Variants in DPYD observed in about 807,000 individuals in gnomAD.
The protein encoded by DPYD is dihydropyrimidine dehydrogenase, also known as dihydropyrimidine dehydrogenase [NADP(+)].
In DPYD, 109 loss-of-function variants were observed where a neutral mutation model predicts 116.2. That is an observed-to-expected ratio of 0.94 (90% CI 0.80 to 1.10). The LOEUF (loss-of-function observed/expected upper bound fraction) is 1.10. Among genes scored for constraint, DPYD ranks in the 50% least tolerant of loss-of-function variants. The pLI is 0.00. For missense variants in DPYD, 1,302 were observed against 1,254.5 expected (o/e 1.04, Z -0.57); for synonymous variants, 440 against 432.0 (o/e 1.02, Z -0.23).
At chr1:97,589,614 T>C (rs1202984834) in intron 10 of DPYD, among the ~76,000 whole-genome samples, 1 of 152,202 alleles carries the variant, frequency 6.6e-6, no homozygotes, top group Non-Finnish European at 1.5e-5. Flanking sequence ...AATGGACTAA[T>C]AAACCATGTT....
intron 2 of DPYD, among the ~76,000 whole-genome samples, chr1:97,867,984 C>T (rs1671471348): frequency 6.6e-6 from 1 of 151,442 alleles, no homozygotes; most frequent in South Asian, 2.1e-4. Context: ...AAAGCCAACA[C>T]CAAAAATAGT....
intron 20 of DPYD, among the ~76,000 whole-genome samples, chr1:97,118,229 A>G (rs1243091084): frequency 6.6e-6 from 1 of 152,046 alleles, no homozygotes. Flanking sequence ...AGGCCAGCAC[A>G]TCGTCTCCCA....
intron 2 of DPYD, among the ~76,000 whole-genome samples, chr1:97,854,347 T>C (rs900997981): frequency 1.3e-5 from 2 of 152,196 alleles, no homozygotes; most frequent in African/African-American, 4.8e-5. Flanking sequence ...CAAAAGTTTA[T>C]TTAGCTTACT....
chr1:97,354,270 A>G (rs1670302748), intron 16 of DPYD, among the ~76,000 whole-genome samples: 1 of 152,166 alleles, frequency 6.6e-6, no homozygotes, highest in African/African-American at 2.4e-5. Flanking sequence ...ACCAGGCTAG[A>G]CAGTGCACTT....
intron 11 of DPYD, among the ~76,000 whole-genome samples, chr1:97,557,357 G>C (rs557771103): frequency 1.4e-5 from 2 of 140,488 alleles, no homozygotes; most frequent in East Asian, 4.1e-4. Context: ...GCCCAGTCTG[G>C]AGTGCAGTGG....
chr1:97,649,703 T>TA (rs1459860257), intron 8 of DPYD, among the ~76,000 whole-genome samples: 1 of 152,138 alleles, frequency 6.6e-6, no homozygotes. Context: ...AAATGATAAT[T>TA]AAGACTCGCA....
intron 13 of DPYD, among the ~76,000 whole-genome samples, chr1:97,502,149 T>C (rs533391984): frequency 6.6e-6 from 1 of 152,176 alleles, no homozygotes; most frequent in South Asian, 2.1e-4. Flanking sequence ...AGATCTTCTG[T>C]TAACCAAAAA....
intron 16 of DPYD, among the ~76,000 whole-genome samples, chr1:97,361,383 G>T (rs1208559098): frequency 6.6e-6 from 1 of 152,192 alleles, no homozygotes; most frequent in African/African-American, 2.4e-5. Flanking sequence ...GTACAAAGAG[G>T]AGTTGATACC....
At chr1:97,728,652 T>TA (rs746339165) in intron 4 of DPYD, among the ~76,000 whole-genome samples, 31 of 152,100 alleles carry the variant, frequency 2.0e-4, no homozygotes, top group Non-Finnish European at 4.1e-4. Context: ...CTGCTGCATT[T>TA]AAAAAAACAC....
At chr1:97,158,838 G>A (rs1655679782) in intron 20 of DPYD, among the ~76,000 whole-genome samples, 2 of 152,124 alleles carry the variant, frequency 1.3e-5, no homozygotes, top group African/African-American at 4.8e-5. Context: ...CTTGGCAGAT[G>A]CCAAGCAGCA....
chr1:97,919,083 C>T (rs1571585384), intron 1 of DPYD, among the ~76,000 whole-genome samples: 1 of 152,282 alleles, frequency 6.6e-6, no homozygotes, highest in East Asian at 1.9e-4. Flanking sequence ...TTTTTCCTCA[C>T]TGCATTATAT....
intron 10 of DPYD, among the ~76,000 whole-genome samples, chr1:97,577,003 T>A (rs1653306820): frequency 6.6e-6 from 1 of 152,212 alleles, no homozygotes; most frequent in Admixed American, 6.5e-5. Flanking sequence ...CATATATATA[T>A]TTGTTTGGAA....
chr1:97,367,891 G>A lies in DPYD; in HGVS notation c.2058+5670C>T, dbSNP rs1003421319. 3.3e-5 allele frequency among the ~76,000 whole-genome samples: 5 copies of A among 152,022 alleles called. No individual in the cohort carries two copies. The East Asian group carries it at 9.7e-4, about 29-fold the overall frequency. ...TCTTTGACAGTGATTCAAGCTCTAGGTCACTACAGATTCAAATGTGAGTAT... is the reference window on the plus strand; with the variant it reads ...TCTTTGACAGTGATTCAAGCTCTAGATCACTACAGATTCAAATGTGAGTAT... On this transcript the variant is annotated intron_variant, in intron 16 of 22. Coordinates refer to ENST00000370192, the MANE Select transcript of DPYD (RefSeq NM_000110.4).
intron 3 of DPYD, among the ~76,000 whole-genome samples, chr1:97,819,602 T>C (rs549123358): frequency 2.6e-5 from 4 of 152,046 alleles, no homozygotes; most frequent in Admixed American, 6.6e-5. Flanking sequence ...TAATACTTTC[T>C]CATTTTATTT....
intron 8 of DPYD, among the ~76,000 whole-genome samples, chr1:97,641,749 G>A (rs1056688464): frequency 6.6e-6 from 1 of 152,130 alleles, no homozygotes; most frequent in African/African-American, 2.4e-5. Flanking sequence ...GTTCTGGCCA[G>A]GGCAATCAGG....
intron 12 of DPYD, chr1:97,545,636 G>A (rs1470625414): frequency 3.2e-6 from 2 of 615,532 alleles, no homozygotes; most frequent in East Asian, 2.7e-5. Flanking sequence ...AGAGTGCCCT[G>A]TTGGAGGTAC....
chr1:97,774,039 T>A (rs1666274437), intron 3 of DPYD, among the ~76,000 whole-genome samples: 1 of 152,126 alleles, frequency 6.6e-6, no homozygotes, highest in African/African-American at 2.4e-5. Flanking sequence ...TTGGGAGCCG[T>A]AAACACCCAA....
chr1:97,119,586 C>T (rs375383342), intron 20 of DPYD, among the ~76,000 whole-genome samples: 6 of 152,202 alleles, frequency 3.9e-5, no homozygotes, highest in Non-Finnish European at 8.8e-5. Context: ...ACCTTTCTGG[C>T]ATGAATGTGC....
chr1:97,644,508 A>C (rs1658131343), intron 8 of DPYD, among the ~76,000 whole-genome samples: 1 of 152,148 alleles, frequency 6.6e-6, no homozygotes, highest in East Asian at 1.9e-4. Context: ...GGCTCACTGC[A>C]ACCTCCGCCT....
Sources: gnomAD v4.1 joint callset for allele counts (sites outside exome capture counted in the v4.1 genomes callset) on GRCh38, gnomAD v4.1.1 for gene constraint, MANE v1.5 for transcripts, NCBI Gene and HGNC (gene_info 2026-07-23, HGNC 2026-07-21) for gene names.